CUEDC1: variants seen among roughly 807,000 people sequenced by gnomAD.
The protein encoded by CUEDC1 is CUE domain-containing protein 1.
A neutral mutation model predicts 43.7 loss-of-function variants in CUEDC1; 30 were observed. The ratio of observed to expected loss-of-function variants is 0.69; its 90% CI spans 0.51 to 0.93. The LOEUF (loss-of-function observed/expected upper bound fraction) is 0.93. Among genes scored for constraint, CUEDC1 ranks in the 40% least tolerant of loss-of-function variants. The pLI is 0.00. For synonymous variants in CUEDC1, 223 were observed against 223.6 expected (o/e 1.00, Z 0.02); for missense variants, 486 against 549.0 (o/e 0.89, Z 1.15).
chr17:57,907,300 C>A (rs1417687420), intron 1 of CUEDC1, among the ~76,000 whole-genome samples: 1 of 152,114 alleles, frequency 6.6e-6, no homozygotes, highest in Non-Finnish European at 1.5e-5. Context: ...ACGAAGCATG[C>A]ATCAGGGAAC....
At chr17:57,865,058 A>AAATGAATG (rs140245915) in intron 10 of CUEDC1, among the ~76,000 whole-genome samples, 187 of 151,718 alleles carry the variant, frequency 1.2e-3, no homozygotes, top group African/African-American at 4.0e-3. Flanking sequence ...CTCTGTCTCA[A>AAATGAATG]AATGAATGAA....
chr17:57,878,111 C>T lies in CUEDC1; in HGVS notation c.464+1500G>A, dbSNP rs530672037. 5.3e-5 allele frequency among the ~76,000 whole-genome samples: 8 copies of T among 152,236 alleles called. No individual in the cohort carries two copies. The South Asian group carries it at 1.7e-3, about 32-fold the overall frequency. ...CTTCCCTCCCTCCTCCCCTCAGTAA[C>T]TTTCTAGGACTCTATGAGCTCCGTA... On this transcript the variant is annotated intron_variant, in intron 3 of 10. Transcript: ENST00000577830.
At position 57,930,565 on chromosome 17, in the gene CUEDC1, T is replaced by C. The variant is rs1313184408; in HGVS notation, c.-316+24660A>G. Among the ~76,000 whole-genome samples, 2 of 152,330 alleles carry C rather than the reference T, an allele frequency of 1.3e-5. No homozygotes were observed. The highest frequency in any genetic ancestry group is 1.9e-4 in the East Asian group (1 of 5,190). Reference sequence around the variant, plus strand: ...AACCACAGCAAGAGGAGGGAGGATTTTGAGAAAACTGTGCCCACTTCTTTG... The same window carrying C: ...AACCACAGCAAGAGGAGGGAGGATTCTGAGAAAACTGTGCCCACTTCTTTG... On this transcript the variant is annotated intron_variant, in intron 1 of 10. Coordinates refer to ENST00000577830, the MANE Select transcript of CUEDC1 (RefSeq NM_001271875.2). The surrounding 1 kb of genome is among the most constrained non-coding windows in gnomAD (Gnocchi z 4.2).
At chr17:57,868,022 G>T in intron 8 of CUEDC1, 128 bp downstream of exon 8, 1 of 742,072 alleles carries the variant, frequency 1.3e-6, no homozygotes, top group Non-Finnish European at 2.4e-6. Flanking sequence ...GAGGGGAGGA[G>T]GAAGGGAAGG....
chr17:57,949,442 C>T (rs963726695), intron 1 of CUEDC1, among the ~76,000 whole-genome samples: 1 of 152,012 alleles, frequency 6.6e-6, no homozygotes, highest in Non-Finnish European at 1.5e-5. Context: ...CAGGCATGTT[C>T]CAACGATGCC....
intron 1 of CUEDC1, among the ~76,000 whole-genome samples, chr17:57,946,907 A>C (rs1174686252): frequency 6.6e-6 from 1 of 152,134 alleles, no homozygotes; most frequent in Non-Finnish European, 1.5e-5. Context: ...CTCTCTGCTC[A>C]ACACAGGAGT....
rs150445451 is a variant in CUEDC1 at position 57,907,515 on chromosome 17, T to C, written c.-315-21636A>G. Among the ~76,000 whole-genome samples the C allele has an allele frequency of 2.4e-3, 359 of 152,138 alleles. 3 individuals carry two copies. Among genetic ancestry groups the C allele is most frequent in the African/African-American group, 8.1e-3 (338 of 41,492 alleles). On this transcript the variant is annotated intron_variant, in intron 1 of 10. Coordinates refer to ENST00000577830, the MANE Select transcript of CUEDC1 (RefSeq NM_001271875.2). ...ACCCTATTTACATCTAGTAAATACC[T>C]CTGTACATCTTCAGTACCCCCACAA...
chr17:57,918,444 C>A (rs2074665701), intron 1 of CUEDC1, among the ~76,000 whole-genome samples: 2 of 152,214 alleles, frequency 1.3e-5, no homozygotes, highest in Admixed American at 1.3e-4. Flanking sequence ...ACCAAAGAGA[C>A]AACGGAAGAA....
intron 1 of CUEDC1, among the ~76,000 whole-genome samples, chr17:57,916,053 C>T (rs1027138740): frequency 2.0e-5 from 3 of 152,216 alleles, no homozygotes; most frequent in African/African-American, 4.8e-5. Context: ...CATCTTCTCA[C>T]GAGTTCAAAA....
At chr17:57,906,844 C>A (rs535841411) in intron 1 of CUEDC1, among the ~76,000 whole-genome samples, 37 of 151,970 alleles carry the variant, frequency 2.4e-4, no homozygotes, top group African/African-American at 8.7e-4. Context: ...TGATGGCGGG[C>A]GCCTGTAATC....
chr17:57,904,412 T>A (rs982421596), intron 1 of CUEDC1, among the ~76,000 whole-genome samples: 26 of 151,468 alleles, frequency 1.7e-4, no homozygotes, highest in African/African-American at 4.9e-4. Context: ...GGATGAAGGT[T>A]GGGGAGGTGG....
intron 1 of CUEDC1, among the ~76,000 whole-genome samples, chr17:57,927,487 G>C (rs2074759838): frequency 6.6e-6 from 1 of 152,086 alleles, no homozygotes; most frequent in African/African-American, 2.4e-5. Flanking sequence ...CACCCTCTGG[G>C]TTGGGGCATC....
Position 57,885,249 on chromosome 17 carries a change from C to T in CUEDC1, c.316G>A (p.Glu106Lys). The change falls in exon 2 of 11, where the codon GAG becomes AAG. Residue 106 changes from glutamate (E) to lysine (K), a missense_variant. By Grantham distance (56) the Glu-to-Lys change is moderately conservative. Coordinates refer to ENST00000577830, the MANE Select transcript of CUEDC1 (RefSeq NM_001271875.2). ...GGVYEDSSDSEDSIPPEILER... is the reference protein window; with the variant it reads ...GGVYEDSSDSKDSIPPEILER... ...CCTACCTCCGGGGGGATGCTGTCCTCCGAGTCGGAGCTGTCCTCATAGACG... is the reference window on the plus strand; with the variant it reads ...CCTACCTCCGGGGGGATGCTGTCCTTCGAGTCGGAGCTGTCCTCATAGACG... 1 of 1,586,824 alleles carries T rather than the reference C, an allele frequency of 6.3e-7. No homozygotes were observed. The highest frequency in any genetic ancestry group is 8.6e-7 in the Non-Finnish European group (1 of 1,163,838).
At position 57,885,496 on chromosome 17, in the gene CUEDC1, G is replaced by GC. The variant is rs2144967044; in HGVS notation, c.68dup (p.Gly24ArgfsTer77). The GC allele has an allele frequency of 6.7e-7, 1 of 1,498,174 alleles. No individual in the cohort carries two copies. The highest frequency in any genetic ancestry group is 8.8e-7 in the Non-Finnish European group (1 of 1,130,656). The allele number at this position is 1,498,174 out of a possible 1,614,324, so 92.8% of individuals were successfully genotyped here. On this transcript the variant is annotated frameshift_variant, in exon 2 of 11. Coordinates refer to ENST00000577830, the MANE Select transcript of CUEDC1 (RefSeq NM_001271875.2). LOFTEE classifies it high-confidence loss of function. Reference sequence around the variant, plus strand: ...CCTGGGGGGCGGCCGTGCCTCCCCCGCCCCCGCGTGCCCCGGCGGTGCCAC... The same window carrying GC: ...CCTGGGGGGCGGCCGTGCCTCCCCCGCCCCCCGCGTGCCCCGGCGGTGCCAC...
intron 3 of CUEDC1, among the ~76,000 whole-genome samples, chr17:57,876,924 A>T (rs1216088522): frequency 1.3e-5 from 2 of 152,224 alleles, no homozygotes; most frequent in Non-Finnish European, 2.9e-5. Flanking sequence ...TAACAGTGCT[A>T]AGGTGGAAAT....
At chr17:57,900,545 G>A (rs2074460309) in intron 1 of CUEDC1, among the ~76,000 whole-genome samples, 2 of 152,212 alleles carry the variant, frequency 1.3e-5, no homozygotes, top group East Asian at 1.9e-4. Context: ...CATCAGAGAA[G>A]CTGCCATTTA....
At chr17:57,890,207 A>C (rs1485265500) in intron 1 of CUEDC1, among the ~76,000 whole-genome samples, 1 of 152,212 alleles carries the variant, frequency 6.6e-6, no homozygotes, top group Admixed American at 6.5e-5. Context: ...ATGCCAAGTA[A>C]GGCTCACAGG....
At chr17:57,865,823 CTTTT>C (rs35170290) in intron 10 of CUEDC1, among the ~76,000 whole-genome samples, 4 of 134,708 alleles carry the variant, frequency 3.0e-5, no homozygotes, top group South Asian at 2.4e-4. Flanking sequence ...TTTTCTTTTT[CTTTT>C]TTTTTTTTTT....
rs1245493010 is a variant in CUEDC1 at position 57,872,597 on chromosome 17, C to A, written c.784+66G>T. On this transcript the variant is annotated intron_variant, in intron 5 of 10. Transcript: ENST00000577830. Reference sequence around the variant, plus strand: ...CCCCAGCTCAGTGTTTTCCTGAGCCCCAAGGCTAAAGCCAGCATCACCTCC... The same window carrying A: ...CCCCAGCTCAGTGTTTTCCTGAGCCACAAGGCTAAAGCCAGCATCACCTCC... 2.5e-6 allele frequency: 4 copies of A among 1,577,772 alleles called. No individual in the cohort carries two copies. In the African/African-American group the frequency reaches 5.4e-5, roughly 21 times the overall value.
Sources: gnomAD v4.1 joint callset for allele counts (sites outside exome capture counted in the v4.1 genomes callset) on GRCh38, gnomAD v4.1.1 for gene constraint, Gnocchi (gnomAD v3.1) non-coding constraint, MANE v1.5 for transcripts, NCBI Gene and HGNC (gene_info 2026-07-23, HGNC 2026-07-21) for gene names.